Variants in RORC observed in about 807,000 individuals in gnomAD.
RORC encodes the protein nuclear receptor ROR-gamma.
A neutral mutation model predicts 64.5 loss-of-function variants in RORC; 13 were observed. The observed-to-expected ratio is 0.20, with a 90% confidence interval of 0.13 to 0.32. The LOEUF is 0.32. Ranked by LOEUF, RORC falls within the 10% of genes least tolerant of loss-of-function variation. The probability of loss-of-function intolerance (pLI) is 1.00; values close to 1 mark genes in which losing one functional copy is unlikely to be tolerated. For missense variants in RORC, 468 were observed against 669.5 expected (o/e 0.70, Z 3.32); for synonymous variants, 277 against 259.3 (o/e 1.07, Z -0.65).
intron 9 of RORC, 140 bp downstream of exon 9, chr1:151,812,807 T>G: frequency 3.4e-6 from 2 of 592,338 alleles, no homozygotes; most frequent in Non-Finnish European, 6.0e-6. Context: ...TTTTATTTTA[T>G]AGCAATACTG....
At position 151,819,733 on chromosome 1, in the gene RORC, C is replaced by T. The variant is rs571216479; in HGVS notation, c.71-2453G>A. On this transcript the variant is annotated intron_variant, in intron 2 of 10. Transcript: ENST00000318247. The stretch of plus-strand genomic sequence containing the variant: ...CCCCATGCTTGACCCACTGCTTCTC[C>T]TGGCCCTAGGAACCTCACAACAGTG... Among the ~76,000 whole-genome samples the T allele has an allele frequency of 2.0e-5, 3 of 152,294 alleles. No homozygotes were observed. The East Asian group carries it at 5.8e-4, about 29-fold the overall frequency.
Position 151,807,596 on chromosome 1 carries a change from T to C in RORC, c.1433A>G (p.Gln478Arg). The change falls in exon 11 of 11, where the codon CAG becomes CGG. Residue 478 changes from glutamine to arginine, a missense_variant. Gln to Arg is a conservative substitution (Grantham distance 43). Coordinates refer to ENST00000318247, the MANE Select transcript of RORC (RefSeq NM_005060.4). This position sits in a 1 kb window ranked among gnomAD's most constrained non-coding sequence, Gnocchi z 5.0. ...GAAGATCTGCAGCCTTTCCACATGC[T>C]GGCTACACAGGCTCCGAAGCTTCCC... is the stretch of plus-strand genomic sequence containing the variant. Reference protein sequence around the residue: ...PKGKLRSLCSQHVERLQIFQH... With the variant: ...PKGKLRSLCSRHVERLQIFQH... 6.2e-7 allele frequency: 1 copy of C among 1,614,148 alleles called. No homozygotes were observed. The highest frequency in any genetic ancestry group is 8.5e-7 in the Non-Finnish European group (1 of 1,180,026).
At chr1:151,826,084 G>A in intron 2 of RORC, 1 of 1,477,526 alleles carries the variant, frequency 6.8e-7, no homozygotes, top group East Asian at 2.5e-5. Context: ...CTCTCCCCCA[G>A]TGCTTCTGGA....
chr1:151,820,833 A>G (rs1457486046), intron 2 of RORC, among the ~76,000 whole-genome samples: 1 of 152,200 alleles, frequency 6.6e-6, no homozygotes, highest in East Asian at 1.9e-4. Context: ...ACTGGTCTTC[A>G]GCTTATACTT....
In RORC at chr1:151,830,621, T is replaced by TACACACACACACACACACACACAC. The variant is rs1553293049; in HGVS notation, c.40+1080_40+1103dup. ...TGCTGTTCAGTCTTGACACCTGACA[T>TACACACACACACACACACACACAC]ACACACACACACACACACACACACA... On this transcript the variant is annotated intron_variant, in intron 1 of 10. Coordinates refer to ENST00000318247, the MANE Select transcript of RORC (RefSeq NM_005060.4). The surrounding 1 kb of genome is among the most constrained non-coding windows in gnomAD (Gnocchi z 4.0). 1.8e-3 allele frequency among the ~76,000 whole-genome samples: 102 copies of TACACACACACACACACACACACAC among 57,188 alleles called. 2 individuals are homozygous for TACACACACACACACACACACACAC. Among genetic ancestry groups the TACACACACACACACACACACACAC allele is most frequent in the East Asian group, 8.1e-3 (12 of 1,476 alleles). The allele number at this position is 57,188 out of a possible 152,430, so 37.5% of individuals were successfully genotyped here. A position where few individuals can be genotyped will look rare whatever the true frequency, so the allele number is the denominator to read the frequency against.
chr1:151,827,870 A>G (rs193089644), intron 2 of RORC, among the ~76,000 whole-genome samples: 42 of 152,226 alleles, frequency 2.8e-4, no homozygotes, highest in African/African-American at 9.1e-4. Flanking sequence ...TCAGGGGTTA[A>G]GGGTAGGAAT....
rs1652290369 is a variant in RORC, at chr1:151,828,776, T to C, written c.70+653A>G. On this transcript the variant is annotated intron_variant, in intron 2 of 10. Transcript: ENST00000318247. ...GGGGTGGATCACAAGGTCAAGAGTC[T>C]GAGACCAGCCTGACCAACATGGTGA... is the stretch of plus-strand genomic sequence containing the variant. Among the ~76,000 whole-genome samples the C allele has an allele frequency of 2.0e-5, 3 of 152,080 alleles. No individual in the cohort carries two copies. The South Asian group carries it at 6.2e-4, about 31-fold the overall frequency.
chr1:151,824,277 C>A (rs979389255), intron 2 of RORC, among the ~76,000 whole-genome samples: 2 of 152,168 alleles, frequency 1.3e-5, no homozygotes, highest in African/African-American at 4.8e-5. Flanking sequence ...TCTCCTACTT[C>A]CCCGCCTGGG....
chr1:151,827,099 CTGAG>C (rs1336340546), intron 2 of RORC, among the ~76,000 whole-genome samples: 3 of 152,204 alleles, frequency 2.0e-5, no homozygotes, highest in Admixed American at 6.5e-5. Context: ...GCCTGAGCAA[CTGAG>C]TAAGACTCTG....
At chr1:151,814,294 A>C in intron 6 of RORC, 2 of 348,574 alleles carry the variant, frequency 5.7e-6, no homozygotes, top group Non-Finnish European at 1.1e-5. Context: ...AAGAGGAGGA[A>C]GGAGGGTGCA....
chr1:151,826,164 C>G, intron 2 of RORC: 1 of 1,146,910 alleles, frequency 8.7e-7, no homozygotes, highest in Non-Finnish European at 1.1e-6. Context: ...CCAAGGGGTG[C>G]AGTGAGTAGG....
chr1:151,830,808 C>G lies in RORC; in HGVS notation c.40+917G>C. On this transcript the variant is annotated intron_variant, in intron 1 of 10. Transcript: ENST00000318247. This position sits in a 1 kb window ranked among gnomAD's most constrained non-coding sequence, Gnocchi z 4.0. ...GGTGGCAAGGCCCCACCCAGCCCCG[C>G]CCACCTCCCCTTGCTCCTGCCTGGC... 1 of 453,742 alleles carries G rather than the reference C, an allele frequency of 2.2e-6. No individual in the cohort carries two copies. Among genetic ancestry groups the G allele is most frequent in the Non-Finnish European group, 3.7e-6 (1 of 271,330 alleles). 28.1% of individuals were successfully genotyped at this position (453,742 alleles called of 1,614,324 possible).
intron 2 of RORC, among the ~76,000 whole-genome samples, chr1:151,818,307 G>A (rs1411387186): frequency 6.6e-6 from 1 of 152,176 alleles, no homozygotes; most frequent in East Asian, 1.9e-4. Context: ...GTGAGCCTAC[G>A]ACATATCTGG....
At position 151,811,452 on chromosome 1, in the gene RORC, AC is replaced by A; in HGVS notation, c.1286-19del. On this transcript the variant is annotated intron_variant, in intron 9 of 10. Coordinates refer to ENST00000318247, the MANE Select transcript of RORC (RefSeq NM_005060.4). Reference sequence around the variant, plus strand: ...TGGCCGATCTGGAGGAGGGGGTGGGACCGTAATGAGAACAAGAAAGAACATG... The same window carrying A: ...TGGCCGATCTGGAGGAGGGGGTGGGACGTAATGAGAACAAGAAAGAACATG... 1 of 1,507,336 alleles carries A rather than the reference AC, an allele frequency of 6.6e-7. No individual in the cohort carries two copies. The highest frequency in any genetic ancestry group is 9.2e-7 in the Non-Finnish European group (1 of 1,085,098). The allele number at this position is 1,507,336 out of a possible 1,614,324, so 93.4% of individuals were successfully genotyped here. A position where few individuals can be genotyped will look rare whatever the true frequency, so the allele number is the denominator to read the frequency against.
chr1:151,814,718 T>C, intron 5 of RORC, 23 bp from the exon 6 acceptor site: 1 of 1,597,592 alleles, frequency 6.3e-7, no homozygotes. Context: ...AAGGAAGGCA[T>C]GGCTTGATCT....
rs56945122 is a variant in RORC, at chr1:151,829,410, C to A, written c.70+19G>T. The A allele has an allele frequency of 1.3e-6, 2 of 1,537,674 alleles. No homozygotes were observed. The highest frequency in any genetic ancestry group is 2.9e-5 in the African/African-American group (2 of 69,660). ...TCATTATGCCCCAGCCATTTTCTTGCCCCGGACCCCCTACTCACAGGTGTG... is the reference window on the plus strand; with the variant it reads ...TCATTATGCCCCAGCCATTTTCTTGACCCGGACCCCCTACTCACAGGTGTG... On this transcript the variant is annotated intron_variant, in intron 2 of 10. Coordinates refer to ENST00000318247, the MANE Select transcript of RORC (RefSeq NM_005060.4).
chr1:151,816,940 T>C (rs1558166593), intron 3 of RORC, 135 bp from the exon 4 acceptor site: 2 of 1,006,466 alleles, frequency 2.0e-6, no homozygotes, highest in Non-Finnish European at 2.8e-6. Flanking sequence ...CTCCATCTAT[T>C]TGTGTAATTG....
chr1:151,831,182 A>G, intron 1 of RORC: 2 of 1,199,126 alleles, frequency 1.7e-6, no homozygotes, highest in Non-Finnish European at 2.2e-6. Context: ...GGAAAGGACC[A>G]GGCTACGTGG....
intron 2 of RORC, 115 bp downstream of exon 2, chr1:151,829,314 C>A: frequency 1.0e-6 from 1 of 963,902 alleles, no homozygotes. Flanking sequence ...TGCCTGCCAT[C>A]TCTTCCTGAC....
Sources: allele counts gnomAD v4.1 joint callset (sites outside exome capture counted in the v4.1 genomes callset), GRCh38; gene constraint gnomAD v4.1.1; non-coding constraint Gnocchi (gnomAD v3.1); transcripts MANE v1.5; gene names NCBI Gene and HGNC (gene_info 2026-07-23, HGNC 2026-07-21).